The following CCDC180 variants were observed in gnomAD, a reference collection of about 807,000 sequenced individuals.
CCDC180 encodes the protein coiled-coil domain-containing protein 180.
Under a neutral mutation model 209.2 loss-of-function variants are expected in CCDC180, and 154 were observed. That is an observed-to-expected ratio of 0.74 (90% CI 0.65 to 0.84). CCDC180 has a LOEUF of 0.84. Ranked by LOEUF, CCDC180 falls within the 40% of genes least tolerant of loss-of-function variation. The pLI is 0.00. For missense variants in CCDC180, 1,874 were observed against 1,997.3 expected (o/e 0.94, Z 1.18); for synonymous variants, 778 against 749.1 (o/e 1.04, Z -0.63).
At chr9:97,344,448 T>C (rs1826187557) in intron 19 of CCDC180, among the ~76,000 whole-genome samples, 1 of 152,152 alleles carries the variant, frequency 6.6e-6, no homozygotes, top group African/African-American at 2.4e-5. Context: ...ATCTGCCCTC[T>C]CCATAGCAGA....
rs953024144 is a variant in CCDC180 at position 97,377,885 on chromosome 9, G to A, written c.*991G>A. ...GTAGAAAAAAGAATTTATGAAACCAGCAAAAGGATAACTTTAAAATCCTGA... is the reference window on the plus strand; with the variant it reads ...GTAGAAAAAAGAATTTATGAAACCAACAAAAGGATAACTTTAAAATCCTGA... On this transcript the variant is annotated 3_prime_UTR_variant, in exon 37 of 37. Transcript: ENST00000529487. The A allele has an allele frequency of 7.0e-6, 1 of 142,266 alleles. No homozygotes were observed. Among genetic ancestry groups the A allele is most frequent in the Non-Finnish European group, 1.5e-5 (1 of 66,816 alleles). The allele number at this position is 142,266 out of a possible 1,614,324, so 8.8% of individuals were successfully genotyped here. A position where few individuals can be genotyped will look rare whatever the true frequency, so the allele number is the denominator to read the frequency against.
At chr9:97,359,644 C>T (rs899603923) in intron 25 of CCDC180, among the ~76,000 whole-genome samples, 3 of 151,748 alleles carry the variant, frequency 2.0e-5, no homozygotes, top group African/African-American at 7.3e-5. Flanking sequence ...CAGAGGAGAT[C>T]CTAGGGAATA....
chr9:97,311,384 T>C (rs1832982255), intron 3 of CCDC180, among the ~76,000 whole-genome samples: 2 of 152,224 alleles, frequency 1.3e-5, no homozygotes, highest in Non-Finnish European at 2.9e-5. Flanking sequence ...GCATGAGGGC[T>C]AAATGAGAAG....
chr9:97,309,258 C>T (rs554651066), intron 2 of CCDC180, among the ~76,000 whole-genome samples, 156 bp from the exon 3 acceptor site: 5 of 152,298 alleles, frequency 3.3e-5, no homozygotes, highest in African/African-American at 1.2e-4. Context: ...GAGAGCTCTC[C>T]TATAGGGATA....
intron 18 of CCDC180, among the ~76,000 whole-genome samples, chr9:97,334,543 A>G (rs1398923374): frequency 5.9e-5 from 9 of 152,174 alleles, no homozygotes; most frequent in African/African-American, 1.9e-4. Context: ...AACCAATGCT[A>G]CTATGCTGGC....
intron 9 of CCDC180, 32 bp downstream of exon 9, chr9:97,317,260 C>T (rs1833208588): frequency 1.3e-6 from 2 of 1,503,130 alleles, no homozygotes; most frequent in Non-Finnish European, 1.8e-6. Context: ...CCTTCTCCAG[C>T]CCACCAGGGG....
At chr9:97,341,289 A>G (rs1826069807) in intron 18 of CCDC180, among the ~76,000 whole-genome samples, 1 of 152,000 alleles carries the variant, frequency 6.6e-6, no homozygotes, top group African/African-American at 2.4e-5. Context: ...CTTTTCTTTT[A>G]TCTCTTTGTC....
chr9:97,330,088 A>T, intron 16 of CCDC180, 66 bp from the exon 17 acceptor site: 3 of 1,150,024 alleles, frequency 2.6e-6, no homozygotes, highest in Non-Finnish European at 3.8e-6. Context: ...AAAAAAAAAA[A>T]AGGTGGGGGG....
At chr9:97,343,589 A>C (rs1216502099) in intron 19 of CCDC180, 26 bp downstream of exon 19, 5 of 1,492,092 alleles carry the variant, frequency 3.4e-6, no homozygotes, top group African/African-American at 1.4e-5. Flanking sequence ...TTTTATTCTC[A>C]TCCTGTTGTT....
chr9:97,351,828 C>G (rs1826429075), intron 22 of CCDC180, among the ~76,000 whole-genome samples: 1 of 152,052 alleles, frequency 6.6e-6, no homozygotes, highest in Non-Finnish European at 1.5e-5. Flanking sequence ...GCCAATAAAA[C>G]AAGGCCAGGC....
chr9:97,336,285 T>G (rs550803015), intron 18 of CCDC180, among the ~76,000 whole-genome samples: 2 of 152,364 alleles, frequency 1.3e-5, no homozygotes, highest in Admixed American at 1.3e-4. Flanking sequence ...CTAGGGTTTT[T>G]ATGGTTTTAG....
chr9:97,370,909 G>A (rs1827073944), intron 33 of CCDC180, 131 bp downstream of exon 33: 2 of 697,928 alleles, frequency 2.9e-6, no homozygotes, highest in Non-Finnish European at 4.3e-6. Context: ...GTTGGGTTTT[G>A]TAGGTAAAAA....
At position 97,313,282 on chromosome 9, in the gene CCDC180, C is replaced by T. The variant is rs775170389; in HGVS notation, c.396C>T (p.His132=). Residue 132 remains histidine (H), a synonymous_variant, in exon 5 of 37, where the codon CAC becomes CAT. Transcript: ENST00000529487. ...GCACCTTTCAAAGGCAAGCAGAACA[C>T]AAGAGGAAGAGCTACGAGAGCGCTC... The part of the protein sequence containing the change: ...STSTFQRQAE[H]KRKSYESALA... The T allele has an allele frequency of 6.2e-7, 1 of 1,612,602 alleles. No individual in the cohort carries two copies. Among genetic ancestry groups the T allele is most frequent in the Non-Finnish European group, 8.5e-7 (1 of 1,179,098 alleles).
chr9:97,374,370 C>T (rs1012139573), intron 34 of CCDC180, 173 bp from the exon 35 acceptor site: 11 of 593,750 alleles, frequency 1.9e-5, no homozygotes, highest in Non-Finnish European at 3.0e-5. Context: ...GTCACCACCC[C>T]GAGCTGTGTG....
intron 24 of CCDC180, 54 bp from the exon 25 acceptor site, chr9:97,357,573 C>G: frequency 3.4e-6 from 4 of 1,184,778 alleles, no homozygotes; most frequent in Non-Finnish European, 5.0e-6. Flanking sequence ...AGAATGTTTC[C>G]CAGATCACAA....
intron 34 of CCDC180, 134 bp from the exon 35 acceptor site, chr9:97,374,409 G>T: frequency 1.5e-6 from 1 of 654,704 alleles, no homozygotes; most frequent in Non-Finnish European, 2.6e-6. Context: ...TCCATGGAGA[G>T]GGCTCAGCCT....
intron 15 of CCDC180, among the ~76,000 whole-genome samples, chr9:97,327,388 C>A (rs1301498950): frequency 2.0e-5 from 3 of 152,128 alleles, no homozygotes; most frequent in Admixed American, 1.3e-4. Context: ...AGATATACTT[C>A]CTTTTTTAAA....
At position 97,328,041 on chromosome 9, in the gene CCDC180, C is replaced by G. The variant is rs377411416; in HGVS notation, c.1683C>G (p.Leu561=). ...CCAGGTATGAATGTTTTCACACCCT[C>G]CTGACAAAGGAAGTGATGGAGTACC... ...MKSRYECFHT[L]LTKEVMEYPA... Residue 561 remains leucine, a synonymous_variant, in exon 16 of 37, where the codon CTC becomes CTG. Transcript: ENST00000529487. 6.2e-7 allele frequency: 1 copy of G among 1,613,864 alleles called. No individual in the cohort carries two copies. The highest frequency in any genetic ancestry group is 1.1e-5 in the South Asian group (1 of 91,052).
intron 26 of CCDC180, among the ~76,000 whole-genome samples, chr9:97,361,411 C>G (rs185985418): frequency 2.0e-5 from 3 of 152,228 alleles, no homozygotes; most frequent in Non-Finnish European, 4.4e-5. Flanking sequence ...TCTTTTCTGA[C>G]TAAACCACAA....
Sources: gnomAD v4.1 joint callset for allele counts (sites outside exome capture counted in the v4.1 genomes callset) on GRCh38, gnomAD v4.1.1 for gene constraint, MANE v1.5 for transcripts, NCBI Gene and HGNC (gene_info 2026-07-23, HGNC 2026-07-21) for gene names.